Variants in VEZT observed in about 807,000 individuals in gnomAD.
The protein encoded by VEZT is vezatin, adherens junctions transmembrane protein, also known as vezatin.
A neutral mutation model predicts 79.9 loss-of-function variants in VEZT; 39 were observed. The observed-to-expected ratio is 0.49, with a 90% CI of 0.38 to 0.64. The LOEUF (loss-of-function observed/expected upper bound fraction) is 0.64. VEZT is among the 30% of genes least tolerant of loss of function. The pLI is 0.00. For synonymous variants in VEZT, 325 were observed against 327.6 expected, an observed-to-expected ratio of 0.99 and a Z score of 0.09; for missense variants, 837 against 893.1, an observed-to-expected ratio of 0.94 and a Z score of 0.80.
At chr12:95,225,949 G>T (rs1593020206) in intron 1 of VEZT, among the ~76,000 whole-genome samples, 2 of 152,012 alleles carry the variant, frequency 1.3e-5, no homozygotes, top group East Asian at 3.9e-4. Context: ...TAAAGAATTA[G>T]CTGGGCATGG....
chr12:95,220,170 A>G (rs2057354715), intron 1 of VEZT, among the ~76,000 whole-genome samples: 1 of 152,204 alleles, frequency 6.6e-6, no homozygotes, highest in Non-Finnish European at 1.5e-5. Flanking sequence ...AAGAAACGGG[A>G]CAGATGGGGC....
intron 9 of VEZT, among the ~76,000 whole-genome samples, chr12:95,293,097 G>A (rs1381396865): frequency 1.3e-5 from 2 of 151,124 alleles, no homozygotes; most frequent in African/African-American, 2.4e-5. Flanking sequence ...TGATCCTCCT[G>A]CCTTGGCCTC....
At chr12:95,283,455 A>G (rs1394512772) in intron 8 of VEZT, among the ~76,000 whole-genome samples, 1 of 152,206 alleles carries the variant, frequency 6.6e-6, no homozygotes, top group Non-Finnish European at 1.5e-5. Flanking sequence ...GAATTTAAAG[A>G]GCTGACAAGA....
At chr12:95,298,102 A>G (rs1403395444) in intron 11 of VEZT, among the ~76,000 whole-genome samples, 1 of 151,884 alleles carries the variant, frequency 6.6e-6, no homozygotes, top group African/African-American at 2.4e-5. Context: ...CCTGGGTGAC[A>G]GAGTGAGACT....
intron 7 of VEZT, among the ~76,000 whole-genome samples, chr12:95,275,254 T>C (rs1056520052): frequency 6.6e-6 from 1 of 152,214 alleles, no homozygotes; most frequent in African/African-American, 2.4e-5. Flanking sequence ...AGTTTTTTTT[T>C]CATACATCAA....
At chr12:95,246,532 GT>G (rs2061748035) in intron 1 of VEZT, among the ~76,000 whole-genome samples, 1 of 152,206 alleles carries the variant, frequency 6.6e-6, no homozygotes, top group Admixed American at 6.5e-5. Flanking sequence ...CAGCAAAAAT[GT>G]GGGATTTTCC....
chr12:95,233,765 GTA>G (rs146104143), intron 1 of VEZT, among the ~76,000 whole-genome samples: 14 of 151,450 alleles, frequency 9.2e-5, no homozygotes, highest in African/African-American at 2.7e-4. Context: ...ATGTGTATGT[GTA>G]TATATATATA....
intron 5 of VEZT, among the ~76,000 whole-genome samples, chr12:95,268,459 C>T (rs550264049): frequency 3.4e-4 from 52 of 152,290 alleles, no homozygotes; most frequent in African/African-American, 1.2e-3. Context: ...GATCGCGCTA[C>T]TGCACTCCAG....
intron 5 of VEZT, 91 bp downstream of exon 5, chr12:95,266,723 T>A: frequency 2.2e-6 from 3 of 1,335,402 alleles, no homozygotes; most frequent in Non-Finnish European, 3.0e-6. Context: ...CTATGTTGCA[T>A]TTATAGGAAA....
intron 1 of VEZT, among the ~76,000 whole-genome samples, chr12:95,221,035 G>A (rs778601879): frequency 2.6e-5 from 4 of 152,226 alleles, no homozygotes; most frequent in South Asian, 4.2e-4. Flanking sequence ...GATTCTAGGG[G>A]CTATGTCCTG....
chr12:95,243,174 G>GA (rs2061270085), intron 1 of VEZT, among the ~76,000 whole-genome samples: 1 of 151,950 alleles, frequency 6.6e-6, no homozygotes, highest in South Asian at 2.1e-4. Flanking sequence ...AGGAGTTCCA[G>GA]ACCAGCCTGG....
At chr12:95,231,416 G>C (rs979926922) in intron 1 of VEZT, 1 of 152,092 alleles carries the variant, frequency 6.6e-6, no homozygotes, top group African/African-American at 2.4e-5. Flanking sequence ...TGGCCATTTT[G>C]TACTGTGGTT....
chr12:95,235,199 G>A (rs1174749203), intron 1 of VEZT, among the ~76,000 whole-genome samples: 2 of 151,722 alleles, frequency 1.3e-5, no homozygotes, highest in African/African-American at 2.4e-5. Flanking sequence ...GGTGGTGGCC[G>A]GGCAGAGGGG....
In VEZT at chr12:95,242,512, C is replaced by T. The variant is rs183512098; in HGVS notation, c.37-9428C>T. Among the ~76,000 whole-genome samples, 7 of 152,262 alleles carry T rather than the reference C, an allele frequency of 4.6e-5. No individual in the cohort carries two copies. In the East Asian group the frequency reaches 9.6e-4, roughly 21 times the overall value. On this transcript the variant is annotated intron_variant, in intron 1 of 11. Coordinates refer to ENST00000436874, the MANE Select transcript of VEZT (RefSeq NM_017599.4). ...TTCACAAGTGTGATCATAGGCCCTA[C>T]GGCCTCAAACTCCTGGGCTCAAGCA...
intron 1 of VEZT, among the ~76,000 whole-genome samples, chr12:95,250,541 G>T (rs534243143): frequency 6.6e-6 from 1 of 151,942 alleles, no homozygotes; most frequent in Non-Finnish European, 1.5e-5. Context: ...GACCTCAGAT[G>T]ATCTGCCTGC....
intron 8 of VEZT, chr12:95,286,540 G>T: frequency 1.9e-6 from 1 of 515,566 alleles, no homozygotes; most frequent in Non-Finnish European, 3.9e-6. Context: ...TCTTTGATTT[G>T]CTGTCATCAG....
chr12:95,259,217 T>A (rs1374461254), intron 3 of VEZT, among the ~76,000 whole-genome samples: 1 of 151,634 alleles, frequency 6.6e-6, no homozygotes, highest in East Asian at 1.9e-4. Context: ...TCCATTAGAA[T>A]CTTTTCAATA....
rs774578093 is a variant in VEZT, at chr12:95,270,166, G to C, written c.826G>C (p.Ala276Pro). The C allele has an allele frequency of 4.4e-6, 7 of 1,609,138 alleles. No homozygotes were observed. The highest frequency in any genetic ancestry group is 5.9e-6 in the Non-Finnish European group (7 of 1,177,772). ...AGCCAACTTCCAAGCAGCAAGGCTAGCTACCCTATATATGCTGAAAAAATA... is the reference window on the plus strand; with the variant it reads ...AGCCAACTTCCAAGCAGCAAGGCTACCTACCCTATATATGCTGAAAAAATA... The part of the protein sequence containing the change: ...LRANFQAARL[A>P]TLYMLKNYPL... The change falls in exon 6 of 12, where the codon GCT becomes CCT. Residue 276 changes from alanine (A) to proline (P), a missense_variant. Ala to Pro is a conservative substitution (Grantham distance 27). Coordinates refer to ENST00000436874, the MANE Select transcript of VEZT (RefSeq NM_017599.4).
At chr12:95,242,204 T>C (rs1037937378) in intron 1 of VEZT, 2 of 152,038 alleles carry the variant, frequency 1.3e-5, no homozygotes, top group Non-Finnish European at 2.9e-5. Context: ...CACTACTAGA[T>C]GGAAGTTTGA....
Sources: allele counts gnomAD v4.1 joint callset (sites outside exome capture counted in the v4.1 genomes callset), GRCh38; gene constraint gnomAD v4.1.1; transcripts MANE v1.5; gene names NCBI Gene and HGNC (gene_info 2026-07-23, HGNC 2026-07-21).